Variants in GMDS observed in about 807,000 individuals in gnomAD.
GMDS encodes GDP-mannose 4,6-dehydratase, also known as GDP-mannose 4,6 dehydratase.
A neutral mutation model predicts 49.9 loss-of-function variants in GMDS; 20 were observed. That is an observed-to-expected ratio of 0.40 (90% CI 0.28 to 0.58). GMDS has a LOEUF of 0.58. Ranked by LOEUF, GMDS falls within the 20% of genes least tolerant of loss-of-function variation. The pLI is 0.42. For synonymous variants in GMDS, 177 were observed against 178.6 expected (o/e 0.99, Z 0.07); for missense variants, 362 against 481.4 (o/e 0.75, Z 2.32).
chr6:2,085,702 A>AT (rs770059748), intron 4 of GMDS, among the ~76,000 whole-genome samples: 8 of 151,960 alleles, frequency 5.3e-5, no homozygotes, highest in South Asian at 2.1e-4. Context: ...TAATTTTTGT[A>AT]TTTTTTGTAG....
intron 4 of GMDS, among the ~76,000 whole-genome samples, chr6:2,015,962 A>G (rs994262404): frequency 6.6e-6 from 1 of 151,564 alleles, no homozygotes; most frequent in Non-Finnish European, 1.5e-5. Context: ...GGAAGGCTAG[A>G]TGTAGCAGCA....
chr6:2,064,923 C>G (rs753905729), intron 4 of GMDS, among the ~76,000 whole-genome samples: 1 of 152,054 alleles, frequency 6.6e-6, no homozygotes, highest in East Asian at 1.9e-4. Context: ...AAGCTGGGAA[C>G]AAAAAAGTTA....
chr6:1,802,734 T>C (rs1770000272), intron 7 of GMDS, among the ~76,000 whole-genome samples: 1 of 152,252 alleles, frequency 6.6e-6, no homozygotes, highest in African/African-American at 2.4e-5. Flanking sequence ...AACTTACTGT[T>C]ACCTTTTTCC....
intron 9 of GMDS, among the ~76,000 whole-genome samples, chr6:1,632,737 G>A (rs1480644523): frequency 6.6e-6 from 1 of 152,144 alleles, no homozygotes; most frequent in Admixed American, 6.6e-5. Flanking sequence ...AAATTAGCTG[G>A]GTGTGGTGGC....
chr6:1,751,274 C>A (rs955491867), intron 7 of GMDS, among the ~76,000 whole-genome samples: 6 of 152,214 alleles, frequency 3.9e-5, no homozygotes, highest in Admixed American at 3.9e-4. Context: ...TGCCTCCTGA[C>A]CGGGAGATAC....
intron 9 of GMDS, among the ~76,000 whole-genome samples, chr6:1,656,679 G>A (rs560778619): frequency 4.6e-4 from 70 of 151,948 alleles, no homozygotes; most frequent in South Asian, 8.3e-4. Flanking sequence ...CAGGAGAATC[G>A]CTTGAACCTG....
At chr6:2,201,810 A>G (rs35724860) in intron 1 of GMDS, among the ~76,000 whole-genome samples, 193 of 72,054 alleles carry the variant, frequency 2.7e-3, no homozygotes, top group Middle Eastern at 8.3e-3. Flanking sequence ...GGCAGTGAGG[A>G]CAGCATGTTA....
At chr6:1,717,655 A>C (rs1418174362) in intron 9 of GMDS, 1 of 152,254 alleles carries the variant, frequency 6.6e-6, no homozygotes, top group East Asian at 1.9e-4. Context: ...TATAGGTATA[A>C]AACAAAATAA....
At chr6:2,011,188 A>T (rs1316035844) in intron 4 of GMDS, among the ~76,000 whole-genome samples, 1 of 152,198 alleles carries the variant, frequency 6.6e-6, no homozygotes, top group African/African-American at 2.4e-5. Context: ...GCCAAAAAGC[A>T]TAAGAAAAAA....
At chr6:1,894,348 T>A (rs1760040657) in intron 7 of GMDS, among the ~76,000 whole-genome samples, 1 of 152,242 alleles carries the variant, frequency 6.6e-6, no homozygotes, top group Admixed American at 6.5e-5. Flanking sequence ...ATATTTCATA[T>A]TTTGTGTTAT....
At chr6:1,792,184 C>T (rs1769570889) in intron 7 of GMDS, among the ~76,000 whole-genome samples, 1 of 151,652 alleles carries the variant, frequency 6.6e-6, no homozygotes, top group Admixed American at 6.6e-5. Context: ...ACTAGTATAA[C>T]ATGATTTCAT....
At chr6:1,912,762 A>C (rs1171844176) in intron 7 of GMDS, among the ~76,000 whole-genome samples, 1 of 152,202 alleles carries the variant, frequency 6.6e-6, no homozygotes, top group East Asian at 1.9e-4. Context: ...GTATTTCACA[A>C]AGTGAAAAAT....
chr6:1,624,827 CTTTTTTTTTT>C (rs551321002), intron 9 of GMDS: 3 of 83,280 alleles, frequency 3.6e-5, no homozygotes, highest in East Asian at 4.6e-4. Context: ...GCTCTTAATG[CTTTTTTTTTT>C]TTTTTTTTTT....
chr6:2,235,831 GA>G lies in GMDS; in HGVS notation c.102+9489del, dbSNP rs545858150. 6.1e-3 allele frequency among the ~76,000 whole-genome samples: 786 copies of G among 129,680 alleles called. 3 individuals are homozygous for G. The highest frequency in any genetic ancestry group is 0.015 in the African/African-American group (518 of 35,476). The allele number at this position is 129,680 out of a possible 152,430, so 85.1% of individuals were successfully genotyped here. On this transcript the variant is annotated intron_variant, in intron 1 of 10. Coordinates refer to ENST00000380815, the MANE Select transcript of GMDS (RefSeq NM_001500.4). ...AAATAAAAAAAAATAAAAAAAATAA[GA>G]AAAAAAAAAAAAGAGGAAAACTGGT...
chr6:2,009,340 A>C (rs1767403872), intron 4 of GMDS, among the ~76,000 whole-genome samples: 1 of 152,168 alleles, frequency 6.6e-6, no homozygotes. Flanking sequence ...CCCATACTAC[A>C]TCTATGATAT....
intron 4 of GMDS, among the ~76,000 whole-genome samples, chr6:2,011,531 G>T (rs1767557463): frequency 6.6e-6 from 1 of 152,154 alleles, no homozygotes. Context: ...CAATAGTAAA[G>T]ATGTGGAAAC....
chr6:1,849,388 A>G (rs986260665), intron 7 of GMDS, among the ~76,000 whole-genome samples: 1 of 152,232 alleles, frequency 6.6e-6, no homozygotes, highest in Non-Finnish European at 1.5e-5. Context: ...CCTACAGGCC[A>G]CACGTGCTCA....
chr6:1,700,309 T>C (rs1267937210), intron 9 of GMDS, among the ~76,000 whole-genome samples: 2 of 152,218 alleles, frequency 1.3e-5, no homozygotes, highest in Non-Finnish European at 2.9e-5. Flanking sequence ...TAAAATATGC[T>C]TGTGGGGAAG....
chr6:2,021,316 G>A (rs965386843), intron 4 of GMDS, among the ~76,000 whole-genome samples: 1 of 152,144 alleles, frequency 6.6e-6, no homozygotes, highest in African/African-American at 2.4e-5. Flanking sequence ...TAGAAGTTAG[G>A]AATGAAACAA....
Sources: gnomAD v4.1 joint callset for allele counts (sites outside exome capture counted in the v4.1 genomes callset) on GRCh38, gnomAD v4.1.1 for gene constraint, MANE v1.5 for transcripts, NCBI Gene and HGNC (gene_info 2026-07-23, HGNC 2026-07-21) for gene names.